The following SLC6A12 variants were observed in gnomAD, a reference collection of about 807,000 sequenced individuals.
The protein encoded by SLC6A12 is sodium- and chloride-dependent betaine transporter.
In SLC6A12, 50 loss-of-function variants were observed where a neutral mutation model predicts 73.3. The observed-to-expected ratio is 0.68, with a 90% CI of 0.54 to 0.86. SLC6A12 has a LOEUF of 0.86. SLC6A12 is among the 40% of genes least tolerant of loss of function. The pLI, the probability that SLC6A12 is intolerant of heterozygous loss-of-function variation, is 0.00. For synonymous variants in SLC6A12, 304 were observed against 309.2 expected (o/e 0.98, Z 0.18); for missense variants, 648 against 772.8 (o/e 0.84, Z 1.92).
chr12:210,153 A>G, intron 2 of SLC6A12, 110 bp from the exon 3 acceptor site: 6 of 1,344,028 alleles, frequency 4.5e-6, no homozygotes, highest in Non-Finnish European at 3.9e-6. Flanking sequence ...CAAGTGCTCC[A>G]TGGCATTTAC....
At position 200,668 on chromosome 12, in the gene SLC6A12, C is replaced by A. The variant is rs1262984820; in HGVS notation, c.694G>T (p.Val232Phe). Residue 232 changes from valine to phenylalanine, a missense_variant, in exon 7 of 16, where the codon GTC (valine) becomes TTC (phenylalanine). Transcript: ENST00000684302. ...CATCTCACCTTGCCTGTGGACTTGA[C>A]CCCCTTCCAGATGCAGAAATAGCAG... Reference protein sequence around the residue: ...VICYFCIWKGVKSTGKVVYFT... With the variant: ...VICYFCIWKGFKSTGKVVYFT... The A allele has an allele frequency of 6.2e-7, 1 of 1,614,048 alleles. No homozygotes were observed. Among genetic ancestry groups the A allele is most frequent in the Non-Finnish European group, 8.5e-7 (1 of 1,179,946 alleles).
downstream of SLC6A12, among the ~76,000 whole-genome samples, chr12:185,403 G>T (rs1939412652): frequency 6.6e-6 from 1 of 152,240 alleles, no homozygotes; most frequent in Admixed American, 6.5e-5. Context: ...TTGGGGAAGG[G>T]ACTTGCCCAC....
At position 197,166 on chromosome 12, in the gene SLC6A12, C is replaced by CATCTATCCATCT. The variant is rs1565469115; in HGVS notation, c.1075+210_1075+211insAGATGGATAGAT. ...CCATCCATCCATCCATCCATCCATCCATCCATCCATCCATCCATCCATCCA... is the reference window on the plus strand; with the variant it reads ...CCATCCATCCATCCATCCATCCATCCATCTATCCATCTATCCATCCATCCATCCATCCATCCA... On this transcript the variant is annotated intron_variant, in intron 10 of 15. Coordinates refer to ENST00000684302, the MANE Select transcript of SLC6A12 (RefSeq NM_001122848.3). Among the ~76,000 whole-genome samples the CATCTATCCATCT allele has an allele frequency of 4.5e-3, 135 of 29,776 alleles. 3 individuals carry two copies. Among genetic ancestry groups the CATCTATCCATCT allele is most frequent in the Admixed American group, 6.8e-3 (17 of 2,486 alleles). 19.5% of individuals were successfully genotyped at this position (29,776 alleles called of 152,430 possible). A position where few individuals can be genotyped will look rare whatever the true frequency, so the allele number is the denominator to read the frequency against.
intron 3 of SLC6A12, 197 bp downstream of exon 3, chr12:209,576 C>G (rs1591807151): frequency 1.6e-6 from 1 of 617,786 alleles, no homozygotes. Flanking sequence ...CACCGTCACC[C>G]TGGGAGGTAT....
At chr12:187,589 C>CAAAAGAGCAAAAAAAAAAAAAAA (rs1939453849), downstream of SLC6A12, among the ~76,000 whole-genome samples, 2 of 106,070 alleles carry the variant, frequency 1.9e-5, no homozygotes, top group African/African-American at 1.1e-4. Flanking sequence ...TGCAAAAGAG[C>CAAAAGAGCAAAAAAAAAAAAAAA]AAAAAAAAAA....
intron 12 of SLC6A12, among the ~76,000 whole-genome samples, chr12:195,796 G>A (rs576014012): frequency 6.6e-6 from 1 of 152,312 alleles, no homozygotes; most frequent in East Asian, 1.9e-4. Flanking sequence ...TCTGAGTGAA[G>A]TCACAGGAGA....
chr12:197,166 C>T (rs77308128), intron 10 of SLC6A12, among the ~76,000 whole-genome samples: 1,576 of 29,136 alleles, frequency 0.054, 135 homozygotes, highest in Middle Eastern at 0.14. Flanking sequence ...TCCATCCATC[C>T]ATCCATCCAT....
chr12:207,936 C>G (rs1316018626), intron 3 of SLC6A12, among the ~76,000 whole-genome samples: 3 of 152,186 alleles, frequency 2.0e-5, no homozygotes, highest in African/African-American at 4.8e-5. Flanking sequence ...TCATCTCTCT[C>G]TCTCCACCCC....
chr12:187,616 A>C (rs892389101), downstream of SLC6A12, among the ~76,000 whole-genome samples: 135 of 15,328 alleles, frequency 8.8e-3, 2 homozygotes, highest in Non-Finnish European at 0.04. Flanking sequence ...AAAAAAAAAA[A>C]AAAAAAAAAA....
rs755582049 is a variant in SLC6A12 at position 191,072 on chromosome 12, A to G, written c.1841T>C (p.Leu614Ser). The change falls in exon 16 of 16, where the codon TTG (leucine) becomes TCG (serine). Residue 614 changes from leucine (L) to serine (S), a missense_variant. Physicochemically the swap from Leu to Ser is moderately radical, Grantham distance 145. Transcript: ENST00000684302. ...GLIAGEKETH[L>S] ...CGCCTGGCCTCTGGCCACACCCTAC[A>G]AATGGGTCTCCTTCTCCCCGGCTAT... 7.5e-7 allele frequency: 1 copy of G among 1,325,810 alleles called. No individual in the cohort carries two copies. Among genetic ancestry groups the G allele is most frequent in the Non-Finnish European group, 9.7e-7 (1 of 1,027,084 alleles). The allele number at this position is 1,325,810 out of a possible 1,614,324, so 82.1% of individuals were successfully genotyped here.
chr12:197,372 C>T lies in SLC6A12; in HGVS notation c.1075+5G>A. The stretch of plus-strand genomic sequence containing the variant: ...TCAGGCCCCAGACAGCAAAGTGGCA[C>T]CTACCTGACTCGGCCACTTCAGAAA... On this transcript the variant is annotated splice_donor_5th_base_variant and intron_variant, in intron 10 of 15. Coordinates refer to ENST00000684302, the MANE Select transcript of SLC6A12 (RefSeq NM_001122848.3). 1.9e-6 allele frequency: 3 copies of T among 1,611,868 alleles called. No homozygotes were observed. Among genetic ancestry groups the T allele is most frequent in the Non-Finnish European group, 2.5e-6 (3 of 1,178,876 alleles).
At chr12:187,824 G>A (rs190889967), downstream of SLC6A12, among the ~76,000 whole-genome samples, 105 of 152,164 alleles carry the variant, frequency 6.9e-4, no homozygotes, top group African/African-American at 2.4e-3. Flanking sequence ...TGATTGGTGT[G>A]TTTACAACGC....
chr12:204,827 C>G (rs1481846281), intron 3 of SLC6A12, 129 bp from the exon 4 acceptor site: 3 of 1,035,362 alleles, frequency 2.9e-6, no homozygotes, highest in African/African-American at 1.6e-5. Context: ...CTGACACTTT[C>G]CAAGGGCCCA....
At position 209,924 on chromosome 12, in the gene SLC6A12, C is replaced by G. The variant is rs200140778; in HGVS notation, c.63G>C (p.Glu21Asp). The G allele has an allele frequency of 5.6e-6, 9 of 1,614,094 alleles. No homozygotes were observed. The Admixed American group carries it at 1.3e-4, about 24-fold the overall frequency. ...GPPAVSWVPE[E>D]GEKLDQEDED... is the part of the protein sequence containing the mutation. ...CGTCTTCCTGGTCCAACTTCTCTCC[C>G]TCCTCGGGGACCCAGGAGACTGCAG... is the stretch of plus-strand genomic sequence containing the variant. The change falls in exon 3 of 16, where the codon GAG becomes GAC. Residue 21 changes from glutamate to aspartate, a missense_variant. Transcript: ENST00000684302.
At chr12:195,019 A>T (rs957595291) in intron 13 of SLC6A12, among the ~76,000 whole-genome samples, 1 of 152,232 alleles carries the variant, frequency 6.6e-6, no homozygotes, top group Non-Finnish European at 1.5e-5. Flanking sequence ...CCATTTTGTC[A>T]TCATTACAGC....
In SLC6A12 at chr12:196,177, TGAG is replaced by T; in HGVS notation, c.1270_1272del (p.Leu424del). The stretch of plus-strand genomic sequence containing the variant: ...TAGCACATGACGGCGATGGTGAGGA[TGAG>T]GAGCTCGCGCCGCCCGCTCTTCCGG... On this transcript the variant is annotated inframe_deletion, in exon 12 of 16. Coordinates refer to ENST00000684302, the MANE Select transcript of SLC6A12 (RefSeq NM_001122848.3). 1 of 1,579,606 alleles carries T rather than the reference TGAG, an allele frequency of 6.3e-7. No individual in the cohort carries two copies.
At chr12:195,493 C>T (rs538206026) in intron 12 of SLC6A12, among the ~76,000 whole-genome samples, 166 bp from the exon 13 acceptor site, 5 of 152,288 alleles carry the variant, frequency 3.3e-5, no homozygotes, top group African/African-American at 1.2e-4. Flanking sequence ...TGCCTTCAGG[C>T]CCCCCAGTCA....
chr12:193,036 G>C, intron 14 of SLC6A12: 1 of 536,732 alleles, frequency 1.9e-6, no homozygotes, highest in South Asian at 2.5e-5. Flanking sequence ...GGCAGAAGCA[G>C]GAGGCACTGT....
downstream of SLC6A12, among the ~76,000 whole-genome samples, chr12:186,683 C>A (rs1010288503): frequency 6.6e-6 from 1 of 152,252 alleles, no homozygotes; most frequent in Non-Finnish European, 1.5e-5. Context: ...ACTGTCCCCC[C>A]AGACAATTAA....
Sources: gnomAD v4.1 joint callset for allele counts (sites outside exome capture counted in the v4.1 genomes callset) on GRCh38, gnomAD v4.1.1 for gene constraint, MANE v1.5 for transcripts, NCBI Gene and HGNC (gene_info 2026-07-23, HGNC 2026-07-21) for gene names.